The following EGFR variants were observed in gnomAD, a reference collection of about 807,000 sequenced individuals.
The protein encoded by EGFR is avian erythroblastic leukemia viral (v-erb-b) oncogene homolog.
In EGFR, 58 loss-of-function variants were observed where a neutral mutation model predicts 143.0. The ratio of observed to expected loss-of-function variants is 0.41; its 90% CI spans 0.33 to 0.50. The LOEUF is 0.50. Ranked by LOEUF, EGFR falls within the 20% of genes least tolerant of loss-of-function variation. The pLI, the probability that EGFR is intolerant of heterozygous loss-of-function variation, is 0.39. For synonymous variants in EGFR, 613 were observed against 594.4 expected, an observed-to-expected ratio of 1.03 and a Z score of -0.45; for missense variants, 1,307 against 1,579.0, an observed-to-expected ratio of 0.83 and a Z score of 2.92.
At chr7:55,109,730 C>G in intron 1 of EGFR, 1 of 985,338 alleles carries the variant, frequency 1.0e-6, no homozygotes. Context: ...TCTATCATTC[C>G]TTTGGGCCTA....
chr7:55,101,146 G>A (rs897273800), intron 1 of EGFR, among the ~76,000 whole-genome samples: 4 of 152,174 alleles, frequency 2.6e-5, no homozygotes, highest in East Asian at 1.9e-4. Context: ...CAAGGGGCCC[G>A]GGCAGAAGGT....
In EGFR at chr7:55,172,921, G is replaced by T. The variant is rs867407881; in HGVS notation, c.1920-62G>T. ...ACTGAAACATGCAGGGGCGTGTTGA[G>T]TGCCAAGGCCATGGAATCTGTCAGC... On this transcript the variant is annotated intron_variant, in intron 16 of 27. Coordinates refer to ENST00000275493, the MANE Select transcript of EGFR (RefSeq NM_005228.5). 10 of 1,613,716 alleles carry T rather than the reference G, an allele frequency of 6.2e-6. No homozygotes were observed. In the South Asian group the frequency reaches 9.9e-5, roughly 16 times the overall value.
At chr7:55,099,764 A>G (rs1407074834) in intron 1 of EGFR, among the ~76,000 whole-genome samples, 2 of 152,076 alleles carry the variant, frequency 1.3e-5, no homozygotes, top group Non-Finnish European at 2.9e-5. Flanking sequence ...GAGGAATCAC[A>G]ATGTGGATTT....
intron 13 of EGFR, among the ~76,000 whole-genome samples, chr7:55,162,645 C>G (rs1001159271): frequency 1.3e-5 from 2 of 152,210 alleles, no homozygotes; most frequent in Admixed American, 6.5e-5. Flanking sequence ...GTAGAGAAAC[C>G]TGGTGTCCAG....
chr7:55,067,190 T>C (rs976202093), intron 1 of EGFR, among the ~76,000 whole-genome samples: 1 of 146,032 alleles, frequency 6.8e-6, no homozygotes, highest in Non-Finnish European at 1.5e-5. Flanking sequence ...GTCAGAAAGG[T>C]CAGCAAAGGA....
chr7:55,058,042 T>A (rs1478488964), intron 1 of EGFR, among the ~76,000 whole-genome samples: 2 of 152,248 alleles, frequency 1.3e-5, no homozygotes, highest in African/African-American at 2.4e-5. Context: ...ATTCAAATAC[T>A]ATTTGACCCA....
intron 1 of EGFR, among the ~76,000 whole-genome samples, chr7:55,035,983 A>C (rs1787542486): frequency 6.6e-6 from 1 of 151,882 alleles, no homozygotes; most frequent in South Asian, 2.1e-4. Context: ...AAAGCCCACT[A>C]TTTTAATTAT....
intron 1 of EGFR, among the ~76,000 whole-genome samples, chr7:55,068,028 A>G (rs1017130826): frequency 1.3e-5 from 2 of 149,594 alleles, no homozygotes; most frequent in Non-Finnish European, 3.0e-5. Flanking sequence ...GCCTGTGTGT[A>G]TGTGTATATG....
At position 55,019,470 on chromosome 7, in the gene EGFR, C is replaced by G. The variant is rs1562642824; in HGVS notation, c.88+105C>G. 8 of 575,032 alleles carry G rather than the reference C, an allele frequency of 1.4e-5. No individual in the cohort carries two copies. The Admixed American group carries it at 3.7e-4, about 26-fold the overall frequency. The allele number at this position is 575,032 out of a possible 1,614,324, so 35.6% of individuals were successfully genotyped here. A position where few individuals can be genotyped will look rare whatever the true frequency, so the allele number is the denominator to read the frequency against. The stretch of plus-strand genomic sequence containing the variant: ...CGCACCGGCTCGGCGCCCGCGCCCC[C>G]GCCCGTCCTTTCCTGTTTCCTTGAG... On this transcript the variant is annotated intron_variant, in intron 1 of 27. Coordinates refer to ENST00000275493, the MANE Select transcript of EGFR (RefSeq NM_005228.5).
At chr7:55,109,039 C>T (rs1348418791) in intron 1 of EGFR, among the ~76,000 whole-genome samples, 1 of 152,114 alleles carries the variant, frequency 6.6e-6, no homozygotes, top group African/African-American at 2.4e-5. Context: ...GAGTGATACG[C>T]TGGAGGGGGC....
At chr7:55,113,967 A>G (rs1442527058) in intron 1 of EGFR, among the ~76,000 whole-genome samples, 1 of 152,174 alleles carries the variant, frequency 6.6e-6, no homozygotes, top group Admixed American at 6.5e-5. Flanking sequence ...AGGGGCTTGG[A>G]CGCTGCCAGG....
chr7:55,156,084 A>G, intron 8 of EGFR, 138 bp downstream of exon 8: 3 of 741,132 alleles, frequency 4.0e-6, no homozygotes, highest in Non-Finnish European at 4.7e-6. Context: ...AACAGAAGAT[A>G]AAGCTGTAAA....
chr7:55,073,503 A>G (rs937920655), intron 1 of EGFR, among the ~76,000 whole-genome samples: 4 of 152,246 alleles, frequency 2.6e-5, no homozygotes, highest in Admixed American at 1.3e-4. Context: ...GAAACTCCCT[A>G]GCCAGGACTT....
intron 1 of EGFR, among the ~76,000 whole-genome samples, chr7:55,136,503 A>C (rs11772801): frequency 0.051 from 7,689 of 152,244 alleles, 263 homozygotes; most frequent in Middle Eastern, 0.18. Context: ...AAAAATATAA[A>C]TCCAACATGT....
rs2128933757 is a variant in EGFR, at chr7:55,152,594, A to G, written c.677A>G (p.Lys226Arg). The G allele has an allele frequency of 6.2e-7, 1 of 1,613,816 alleles. No homozygotes were observed. Among genetic ancestry groups the G allele is most frequent in the Non-Finnish European group, 8.5e-7 (1 of 1,180,028 alleles). ...CAGTGCTCCGGGCGCTGCCGTGGCA[A>G]GTCCCCCAGTGACTGCTGCCACAAC... ...AQQCSGRCRG[K>R]SPSDCCHNQC... Residue 226 changes from lysine to arginine, a missense_variant, in exon 6 of 28, where the codon AAG becomes AGG. Lys to Arg is a conservative substitution (Grantham distance 26). Transcript: ENST00000275493.
intron 17 of EGFR, 42 bp downstream of exon 17, chr7:55,173,166 C>A (rs774883035): frequency 6.2e-7 from 1 of 1,601,684 alleles, no homozygotes; most frequent in South Asian, 1.1e-5. Context: ...CCTCGCACCC[C>A]GACAGGAACA....
At chr7:55,042,837 C>T (rs577806183) in intron 1 of EGFR, among the ~76,000 whole-genome samples, 2 of 152,206 alleles carry the variant, frequency 1.3e-5, no homozygotes, top group South Asian at 4.1e-4. Context: ...TCTCAGTTTA[C>T]CTCTGGAAAT....
intron 1 of EGFR, among the ~76,000 whole-genome samples, chr7:55,029,423 CT>C (rs1404153553): frequency 2.0e-5 from 3 of 152,036 alleles, no homozygotes; most frequent in African/African-American, 7.2e-5. Flanking sequence ...TGCTTTCTTT[CT>C]TCTTCCCTTC....
chr7:55,171,328 G>A, intron 16 of EGFR, 115 bp downstream of exon 16: 1 of 1,452,052 alleles, frequency 6.9e-7, no homozygotes, highest in Non-Finnish European at 9.6e-7. Context: ...AGTTTCTATG[G>A]CTCTGGGCCA....
Sources: allele counts gnomAD v4.1 joint callset (sites outside exome capture counted in the v4.1 genomes callset), GRCh38; gene constraint gnomAD v4.1.1; transcripts MANE v1.5; gene names NCBI Gene and HGNC (gene_info 2026-07-23, HGNC 2026-07-21).